The following POF1B variants were observed in gnomAD, a reference collection of about 807,000 sequenced individuals.
POF1B encodes POF1B actin binding protein, also known as protein POF1B.
In POF1B, 53 loss-of-function variants were observed where a neutral mutation model predicts 55.3. The ratio of observed to expected loss-of-function variants is 0.96; its 90% CI spans 0.77 to 1.20. The LOEUF is 1.20. POF1B is among the 50% of genes most tolerant of loss of function. POF1B has a pLI of 0.00. For synonymous variants in POF1B, 188 were observed against 148.3 expected, an observed-to-expected ratio of 1.27 and a Z score of -1.95; for missense variants, 478 against 420.5, an observed-to-expected ratio of 1.14 and a Z score of -1.20.
intron 2 of POF1B, among the ~76,000 whole-genome samples, chrX:85,370,792 T>C (rs908534743): frequency 9.0e-6 from 1 of 111,425 alleles, no homozygotes; most frequent in African/African-American, 3.3e-5. Context: ...CAAAATATTT[T>C]TGAAAGAATG....
chrX:85,331,424 A>G (rs915392099), intron 6 of POF1B, among the ~76,000 whole-genome samples: 1 of 111,439 alleles, frequency 9.0e-6, no homozygotes, highest in Admixed American at 9.5e-5. Context: ...TGTGAATTAT[A>G]TTTTTTATTA....
In POF1B at chrX:85,279,302, C is replaced by T; in HGVS notation, c.*119G>A. 1.4e-6 allele frequency: 1 copy of T among 697,304 alleles called. No individual in the cohort carries two copies. The highest frequency in any genetic ancestry group is 2.2e-6 in the Non-Finnish European group (1 of 463,169). The allele number at this position is 697,304 out of a possible 1,213,427, so 57.5% of individuals were successfully genotyped here. A position where few individuals can be genotyped will look rare whatever the true frequency, so the allele number is the denominator to read the frequency against. ...TCATTCCATTAGATTTCTTGGGTAG[C>T]AGCATGGTTCCAAATTCTGATTGGC... is the stretch of plus-strand genomic sequence containing the variant. On this transcript the variant is annotated 3_prime_UTR_variant, in exon 17 of 17. Coordinates refer to ENST00000262753, the MANE Select transcript of POF1B (RefSeq NM_024921.4).
At chrX:85,363,561 C>T (rs942885664) in intron 3 of POF1B, among the ~76,000 whole-genome samples, 9 of 111,409 alleles carry the variant, frequency 8.1e-5, no homozygotes, top group Non-Finnish European at 1.5e-4. Context: ...TGGTTTTCAG[C>T]GATTTTTAAA....
intron 4 of POF1B, among the ~76,000 whole-genome samples, chrX:85,356,175 C>T (rs1026097362): frequency 3.6e-5 from 4 of 109,681 alleles, no homozygotes; most frequent in African/African-American, 1.3e-4. Context: ...TGGATGAAGC[C>T]GGAAACCATC....
chrX:85,338,650 G>A (rs933719291), intron 6 of POF1B, among the ~76,000 whole-genome samples: 2 of 111,448 alleles, frequency 1.8e-5, no homozygotes, highest in Admixed American at 9.6e-5. Context: ...AGGGCCTAAC[G>A]AGAGCTACAG....
intron 9 of POF1B, 22 bp from the exon 10 acceptor site, chrX:85,308,238 G>A: frequency 9.6e-7 from 1 of 1,036,304 alleles, no homozygotes; most frequent in African/African-American, 1.9e-5. Context: ...AAGGATTAAT[G>A]GTTTAGTTTT....
intron 7 of POF1B, among the ~76,000 whole-genome samples, chrX:85,318,991 T>A (rs189175272): frequency 2.7e-3 from 297 of 112,041 alleles, no homozygotes; most frequent in Non-Finnish European, 4.2e-3. Flanking sequence ...TGATTATTCC[T>A]ATCCATTAGC....
chrX:85,292,405 T>C (rs2060107759), intron 15 of POF1B, among the ~76,000 whole-genome samples: 1 of 111,563 alleles, frequency 9.0e-6, no homozygotes, highest in Non-Finnish European at 1.9e-5. Context: ...TCATTTTTTG[T>C]TGTATCTCTG....
intron 7 of POF1B, among the ~76,000 whole-genome samples, chrX:85,324,537 T>G (rs1053485001): frequency 9.0e-6 from 1 of 111,672 alleles, no homozygotes; most frequent in Non-Finnish European, 1.9e-5. Flanking sequence ...AACCCCTGCT[T>G]TTTTTCTGTT....
At chrX:85,374,197 T>TA (rs1459221243) in intron 2 of POF1B, among the ~76,000 whole-genome samples, 2 of 112,058 alleles carry the variant, frequency 1.8e-5, no homozygotes, top group African/African-American at 6.5e-5. Context: ...TTCATAGTTC[T>TA]ATTCTGCCAA....
chrX:85,292,503 A>G (rs150846482), intron 15 of POF1B, among the ~76,000 whole-genome samples: 8 of 112,201 alleles, frequency 7.1e-5, no homozygotes, highest in Non-Finnish European at 1.5e-4. Flanking sequence ...TAGTTTCAGC[A>G]GGAATGGTCC....
At chrX:85,344,992 T>C (rs147386984) in intron 6 of POF1B, among the ~76,000 whole-genome samples, 3 of 111,758 alleles carry the variant, frequency 2.7e-5, no homozygotes, top group African/African-American at 9.7e-5. Context: ...GGCCAAAATG[T>C]ATATTTCAAA....
intron 5 of POF1B, among the ~76,000 whole-genome samples, chrX:85,349,254 AC>A (rs761456534): frequency 3.3e-4 from 37 of 111,617 alleles, no homozygotes; most frequent in Non-Finnish European, 6.2e-4. Context: ...GAATCTGGTA[AC>A]AAATGTCCAC....
intron 2 of POF1B, among the ~76,000 whole-genome samples, chrX:85,370,175 G>T (rs940584681): frequency 8.9e-6 from 1 of 112,200 alleles, no homozygotes; most frequent in African/African-American, 3.2e-5. Context: ...ATTTATGCTA[G>T]TATAAGCAGT....
intron 6 of POF1B, among the ~76,000 whole-genome samples, chrX:85,331,545 G>T (rs1187414726): frequency 9.0e-6 from 1 of 111,062 alleles, no homozygotes; most frequent in African/African-American, 3.3e-5. Flanking sequence ...CAGGATAATA[G>T]CATATCCATC....
intron 8 of POF1B, among the ~76,000 whole-genome samples, 196 bp downstream of exon 8, chrX:85,315,511 A>ATCCATGG (rs1932779791): frequency 9.0e-6 from 1 of 111,264 alleles, no homozygotes; most frequent in Non-Finnish European, 1.9e-5. Context: ...TTTTTTTGTG[A>ATCCATGG]ATAATTACTA....
chrX:85,286,556 A>G (rs1254976198), intron 15 of POF1B, among the ~76,000 whole-genome samples: 1 of 111,633 alleles, frequency 9.0e-6, no homozygotes, highest in Non-Finnish European at 1.9e-5. Flanking sequence ...TACAATCCTT[A>G]ACACTTTAAA....
chrX:85,342,131 A>T (rs929035), intron 6 of POF1B, among the ~76,000 whole-genome samples: 19,732 of 111,244 alleles, frequency 0.18, 3,376 homozygotes, highest in African/African-American at 0.54. Context: ...GATCACAGCA[A>T]GTTATCCTTA....
chrX:85,297,959 T>G lies in POF1B; in HGVS notation c.1649+5447A>C, dbSNP rs748493096. Among the ~76,000 whole-genome samples, 3 of 112,232 alleles carry G rather than the reference T, an allele frequency of 2.7e-5. No homozygotes were observed. The East Asian group carries it at 8.5e-4, about 32-fold the overall frequency. ...CCCAGATTGAGTTCTGGCAAAAATCTCAACTCAGAACTCCTGAGTGTGTGC... is the reference window on the plus strand; with the variant it reads ...CCCAGATTGAGTTCTGGCAAAAATCGCAACTCAGAACTCCTGAGTGTGTGC... On this transcript the variant is annotated intron_variant, in intron 15 of 16. Coordinates refer to ENST00000262753, the MANE Select transcript of POF1B (RefSeq NM_024921.4).
Sources: allele counts gnomAD v4.1 joint callset (sites outside exome capture counted in the v4.1 genomes callset), GRCh38; gene constraint gnomAD v4.1.1; transcripts MANE v1.5; gene names NCBI Gene and HGNC (gene_info 2026-07-23, HGNC 2026-07-21).